Variants in GEMIN5 observed in about 807,000 individuals in gnomAD.
GEMIN5 encodes gem nuclear organelle associated protein 5.
In GEMIN5, 124 loss-of-function variants were observed where a neutral mutation model predicts 176.9. That is an observed-to-expected ratio of 0.70 (90% CI 0.61 to 0.81). GEMIN5 has a LOEUF of 0.81. Ranked by LOEUF, GEMIN5 falls within the 40% of genes least tolerant of loss-of-function variation. The pLI is 0.00. For synonymous variants in GEMIN5, 673 were observed against 665.2 expected, an observed-to-expected ratio of 1.01 and a Z score of -0.18; for missense variants, 1,843 against 1,814.6, an observed-to-expected ratio of 1.02 and a Z score of -0.28.
intron 25 of GEMIN5, among the ~76,000 whole-genome samples, chr5:154,892,040 T>A (rs1347747194): frequency 6.6e-6 from 1 of 152,218 alleles, no homozygotes; most frequent in African/African-American, 2.4e-5. Context: ...ACTGTCTCTC[T>A]GAAAAATCAC....
chr5:154,931,297 G>C (rs1371695613), intron 5 of GEMIN5, among the ~76,000 whole-genome samples, 161 bp downstream of exon 5: 2 of 152,220 alleles, frequency 1.3e-5, no homozygotes, highest in South Asian at 2.1e-4. Context: ...TGAGAGAATA[G>C]AGAGTCTAGG....
chr5:154,900,174 G>C (rs963732018), intron 21 of GEMIN5, among the ~76,000 whole-genome samples: 2 of 152,214 alleles, frequency 1.3e-5, no homozygotes, highest in Non-Finnish European at 2.9e-5. Context: ...GATGGTGATA[G>C]TAAGGAATGT....
chr5:154,925,915 T>A lies in GEMIN5; in HGVS notation c.1240A>T (p.Asn414Tyr). 4 of 1,614,010 alleles carry A rather than the reference T, an allele frequency of 2.5e-6. No homozygotes were observed. Among genetic ancestry groups the A allele is most frequent in the Non-Finnish European group, 3.4e-6 (4 of 1,179,850 alleles). The change falls in exon 8 of 28, where the codon AAC becomes TAC. Residue 414 changes from asparagine (N) to tyrosine (Y), a missense_variant. Physicochemically the swap from Asn to Tyr is moderately radical, Grantham distance 143 (BLOSUM62 -2). Transcript: ENST00000285873. ...IRVWNTLSIK[N>Y]NYDVKNFWQG... ...CAAAAATTTTTCACATCATAGTTGT[T>A]CTTTATGGAGAGTGTATTCCATACA...
At chr5:154,914,585 C>A (rs1582664913) in intron 13 of GEMIN5, among the ~76,000 whole-genome samples, 1 of 148,704 alleles carries the variant, frequency 6.7e-6, no homozygotes, top group East Asian at 2.0e-4. Flanking sequence ...AGTCATATAG[C>A]TAACTGTAGC....
chr5:154,937,876 T>C, intron 1 of GEMIN5, 92 bp downstream of exon 1: 1 of 1,163,356 alleles, frequency 8.6e-7, no homozygotes, highest in Non-Finnish European at 1.2e-6. Flanking sequence ...TCAGTTTCCC[T>C]AGCTGTAGAA....
chr5:154,904,955 G>A (rs1336454410), intron 17 of GEMIN5, among the ~76,000 whole-genome samples: 1 of 152,232 alleles, frequency 6.6e-6, no homozygotes, highest in African/African-American at 2.4e-5. Flanking sequence ...CACTTTGGGA[G>A]GCTGAGGCGG....
Position 154,905,481 on chromosome 5 carries a change from A to T in GEMIN5, c.2396-5T>A, listed in dbSNP as rs2113472868. ...AGATAACTGGTTCTCTAGAAACTAC[A>T]TCATGGGGGAAAAAGGAAAAAAAAA... On this transcript the variant is annotated splice_polypyrimidine_tract_variant and splice_region_variant and intron_variant, in intron 16 of 27. Coordinates refer to ENST00000285873, the MANE Select transcript of GEMIN5 (RefSeq NM_015465.5). The T allele has an allele frequency of 7.1e-7, 1 of 1,405,784 alleles. No homozygotes were observed. Among genetic ancestry groups the T allele is most frequent in the Non-Finnish European group, 9.9e-7 (1 of 1,013,644 alleles). 87.1% of individuals were successfully genotyped at this position (1,405,784 alleles called of 1,614,324 possible).
At position 154,891,573 on chromosome 5, in the gene GEMIN5, G is replaced by C. The variant is rs774430174; in HGVS notation, c.3930C>G (p.Leu1310=). 4 of 1,614,130 alleles carry C rather than the reference G, an allele frequency of 2.5e-6. No homozygotes were observed. In the East Asian group the frequency reaches 8.9e-5, roughly 36 times the overall value. Residue 1310 remains leucine (L), a synonymous_variant, in exon 26 of 28, where the codon CTC becomes CTG. Transcript: ENST00000285873. The part of the protein sequence containing the change: ...SVWVRAGHRT[L]SVEPSQQLDT... ...CTAACTGCTGGCTTGGCTCAACAGA[G>C]AGTGTTCTGTGACCAGCCCTTACCC... is the stretch of plus-strand genomic sequence containing the variant.
At chr5:154,934,681 C>T (rs1423220412) in intron 3 of GEMIN5, among the ~76,000 whole-genome samples, 4 of 152,188 alleles carry the variant, frequency 2.6e-5, no homozygotes, top group Non-Finnish European at 5.9e-5. Flanking sequence ...GTACTTACTC[C>T]ACAAAGCCCC....
chr5:154,929,565 G>C (rs184420950), intron 5 of GEMIN5, among the ~76,000 whole-genome samples: 1 of 152,264 alleles, frequency 6.6e-6, no homozygotes, highest in Admixed American at 6.5e-5. Flanking sequence ...TCTGAGGTGG[G>C]GTACAAGAAC....
rs375067739 is a variant in GEMIN5, at chr5:154,911,882, C to T, written c.2012G>A (p.Arg671Gln). 236 of 1,613,930 alleles carry T rather than the reference C, an allele frequency of 1.5e-4. 1 individual carries two copies. In the East Asian group the frequency reaches 2.8e-3, roughly 19 times the overall value. ...DGTAQVWDAL[R>Q]EEPLCNFRGH... ...TCGGAAATTGCACAGGGGCTCTTCC[C>T]GGAGAGCATCCCACACCTAAACCCA... The change falls in exon 15 of 28, where the codon CGG (arginine) becomes CAG (glutamine). Residue 671 changes from arginine to glutamine, a missense_variant. Coordinates refer to ENST00000285873, the MANE Select transcript of GEMIN5 (RefSeq NM_015465.5).
chr5:154,922,882 G>A (rs1383337387), intron 9 of GEMIN5, among the ~76,000 whole-genome samples: 6 of 151,696 alleles, frequency 4.0e-5, no homozygotes, highest in Admixed American at 6.6e-5. Context: ...ATTTTTAGTA[G>A]AGACGGGCTT....
intron 5 of GEMIN5, among the ~76,000 whole-genome samples, chr5:154,928,911 C>A (rs945155023): frequency 6.6e-6 from 1 of 152,006 alleles, no homozygotes; most frequent in Non-Finnish European, 1.5e-5. Flanking sequence ...ATCTTGACAA[C>A]CTCAACGTAT....
In GEMIN5 at chr5:154,912,255, A is replaced by G. The variant is rs918323027; in HGVS notation, c.1996-357T>C. On this transcript the variant is annotated intron_variant, in intron 14 of 27. Transcript: ENST00000285873. ...CATCTAGCACAGAAATTAGACTTCTAATTTCTCATAGGTGAATCTTTTGTC... is the reference window on the plus strand; with the variant it reads ...CATCTAGCACAGAAATTAGACTTCTGATTTCTCATAGGTGAATCTTTTGTC... 2.6e-5 allele frequency among the ~76,000 whole-genome samples: 4 copies of G among 152,330 alleles called. No individual in the cohort carries two copies. The East Asian group carries it at 5.8e-4, about 22-fold the overall frequency.
chr5:154,913,518 A>G (rs1386813919), intron 13 of GEMIN5, among the ~76,000 whole-genome samples: 4 of 152,208 alleles, frequency 2.6e-5, no homozygotes, highest in Admixed American at 6.5e-5. Flanking sequence ...AAAGTGTCAC[A>G]TAAGATTTTA....
intron 1 of GEMIN5, among the ~76,000 whole-genome samples, chr5:154,937,662 CG>C (rs1333169095): frequency 6.6e-6 from 1 of 152,142 alleles, no homozygotes; most frequent in Non-Finnish European, 1.5e-5. Context: ...GGAAGGCTCC[CG>C]GGGGGCTGGC....
chr5:154,899,632 AT>A lies in GEMIN5; in HGVS notation c.3015-323del, dbSNP rs1355700545. 3.1e-3 allele frequency among the ~76,000 whole-genome samples: 447 copies of A among 142,000 alleles called. 2 individuals are homozygous for A. The highest frequency in any genetic ancestry group is 0.011 in the African/African-American group (418 of 38,554). 93.2% of individuals were successfully genotyped at this position (142,000 alleles called of 152,430 possible). On this transcript the variant is annotated intron_variant, in intron 21 of 27. Transcript: ENST00000285873. ...GTGCTTTTTTATTAAAAAAAAAAAA[AT>A]GTGTTGACATTTGCACTGATTGTGC... is the stretch of plus-strand genomic sequence containing the variant.
intron 21 of GEMIN5, among the ~76,000 whole-genome samples, chr5:154,900,363 T>C (rs1763437951): frequency 6.6e-6 from 1 of 152,186 alleles, no homozygotes; most frequent in African/African-American, 2.4e-5. Flanking sequence ...ATTTTGAAAG[T>C]ATTTTGGGAC....
chr5:154,929,212 A>G (rs1384888800), intron 5 of GEMIN5, among the ~76,000 whole-genome samples: 1 of 152,208 alleles, frequency 6.6e-6, no homozygotes, highest in East Asian at 1.9e-4. Context: ...CGACAGAGAG[A>G]GACTCTGCCT....
Sources: gnomAD v4.1 joint callset for allele counts (sites outside exome capture counted in the v4.1 genomes callset) on GRCh38, gnomAD v4.1.1 for gene constraint, MANE v1.5 for transcripts, NCBI Gene and HGNC (gene_info 2026-07-23, HGNC 2026-07-21) for gene names.